The following COL4A6 variants were observed in gnomAD, a reference collection of about 807,000 sequenced individuals.
COL4A6 encodes the protein collagen type IV alpha 6 chain.
Under a neutral mutation model 126.7 loss-of-function variants are expected in COL4A6, and 59 were observed. The observed-to-expected ratio is 0.47, with a 90% CI of 0.38 to 0.58. The LOEUF is 0.58. COL4A6 is among the 20% of genes least tolerant of loss of function. COL4A6 has a pLI of 0.00. For synonymous variants in COL4A6, 547 were observed against 496.6 expected, an observed-to-expected ratio of 1.10 and a Z score of -1.35; for missense variants, 1,285 against 1,337.3, an observed-to-expected ratio of 0.96 and a Z score of 0.61.
At chrX:108,337,551 C>A (rs748179720) in intron 2 of COL4A6, among the ~76,000 whole-genome samples, 2 of 112,992 alleles carry the variant, frequency 1.8e-5, no homozygotes, top group African/African-American at 6.4e-5. Flanking sequence ...CAAGAAGCAG[C>A]AAGTGCATAT....
At chrX:108,377,232 T>G (rs2040456128) in intron 2 of COL4A6, among the ~76,000 whole-genome samples, 1 of 112,452 alleles carries the variant, frequency 8.9e-6, no homozygotes. Context: ...GCAGTATTGC[T>G]GCCAGCATGT....
intron 2 of COL4A6, among the ~76,000 whole-genome samples, chrX:108,386,564 G>GT (rs774506365): frequency 9.1e-6 from 1 of 109,680 alleles, no homozygotes; most frequent in Non-Finnish European, 1.9e-5. Flanking sequence ...GTTTTGATGG[G>GT]TTTTTTTTTC....
chrX:108,231,288 G>A (rs1339427279), intron 3 of COL4A6, among the ~76,000 whole-genome samples: 1 of 111,810 alleles, frequency 8.9e-6, no homozygotes, highest in African/African-American at 3.3e-5. Context: ...GCATCTACAC[G>A]TTTTGTTTTC....
At chrX:108,424,754 C>T (rs772699623) in intron 2 of COL4A6, among the ~76,000 whole-genome samples, 3 of 111,847 alleles carry the variant, frequency 2.7e-5, no homozygotes, top group South Asian at 7.5e-4. Flanking sequence ...GGGTGGCTCA[C>T]GCCTGTAATC....
At chrX:108,307,346 A>C (rs1009635368) in intron 3 of COL4A6, among the ~76,000 whole-genome samples, 3 of 111,925 alleles carry the variant, frequency 2.7e-5, no homozygotes, top group African/African-American at 9.7e-5. Context: ...CAGTTTCTTT[A>C]TTTGTTGCAT....
intron 3 of COL4A6, among the ~76,000 whole-genome samples, chrX:108,305,059 T>A (rs2038590611): frequency 8.9e-6 from 1 of 111,810 alleles, no homozygotes; most frequent in Non-Finnish European, 1.9e-5. Context: ...TAATTGTTCT[T>A]AAGATAGTGG....
intron 3 of COL4A6, chrX:108,269,101 C>T (rs780301168): frequency 4.1e-5 from 14 of 338,694 alleles, no homozygotes; most frequent in Non-Finnish European, 8.0e-5. Context: ...GGCAGAACCT[C>T]ACTGAAATGG....
At chrX:108,271,383 A>G (rs1269995933) in intron 3 of COL4A6, among the ~76,000 whole-genome samples, 2 of 112,461 alleles carry the variant, frequency 1.8e-5, no homozygotes, top group African/African-American at 6.5e-5. Context: ...ATTTACTTCA[A>G]AATTTGTGTC....
intron 2 of COL4A6, among the ~76,000 whole-genome samples, chrX:108,385,133 G>A (rs1455102091): frequency 7.3e-5 from 8 of 109,952 alleles, no homozygotes; most frequent in African/African-American, 2.3e-4. Flanking sequence ...TATAGTATGT[G>A]TATAGAATGG....
chrX:108,314,175 C>T (rs1003336350), intron 2 of COL4A6, among the ~76,000 whole-genome samples: 2 of 111,287 alleles, frequency 1.8e-5, no homozygotes, highest in African/African-American at 6.6e-5. Context: ...AGTAAGTGTC[C>T]CTGACTCCCT....
At chrX:108,223,426 T>C in intron 3 of COL4A6, among the ~76,000 whole-genome samples, 1 of 111,615 alleles carries the variant, frequency 9.0e-6, no homozygotes, top group Non-Finnish European at 1.9e-5. Context: ...TCAAGACTAA[T>C]GCATACAAAA....
chrX:108,383,212 T>C (rs937046028), intron 2 of COL4A6, among the ~76,000 whole-genome samples: 9 of 110,850 alleles, frequency 8.1e-5, no homozygotes, highest in African/African-American at 3.0e-4. Flanking sequence ...AATTTAAGTA[T>C]AAAGAGTCAC....
At chrX:108,370,644 T>A (rs2040303408) in intron 2 of COL4A6, among the ~76,000 whole-genome samples, 1 of 111,461 alleles carries the variant, frequency 9.0e-6, no homozygotes, top group Non-Finnish European at 1.9e-5. Context: ...AAGGAAGGAT[T>A]AGATAGACCA....
upstream of COL4A6, chrX:108,438,565 G>A: frequency 1.6e-6 from 1 of 633,444 alleles, no homozygotes; most frequent in Admixed American, 5.5e-5. Context: ...TATCTCCACA[G>A]CTTCACACAC....
chrX:108,392,338 G>GA (rs776082396), intron 2 of COL4A6, among the ~76,000 whole-genome samples: 1 of 109,365 alleles, frequency 9.1e-6, no homozygotes, highest in Admixed American at 9.8e-5. Context: ...CACACAATGG[G>GA]AAAAAATATT....
chrX:108,169,530 C>T lies in COL4A6; in HGVS notation c.3656G>A (p.Gly1219Glu). 1 of 1,211,776 alleles carries T rather than the reference C, an allele frequency of 8.3e-7. No individual in the cohort carries two copies. The highest frequency in any genetic ancestry group is 1.1e-6 in the Non-Finnish European group (1 of 895,542). The change falls in exon 37 of 45, where the codon GGG becomes GAG. Residue 1219 changes from glycine (G) to glutamate (E), a missense_variant. Transcript: ENST00000334504. Reference sequence around the variant, plus strand: ...TTTTTGCCCTCTCAGGCCCGGCTTCCCTGGAGCTCCGATGCCAATTCCTGG... The same window carrying T: ...TTTTTGCCCTCTCAGGCCCGGCTTCTCTGGAGCTCCGATGCCAATTCCTGG... ...GYPGIGIGAP[G>E]KPGLRGQKGD...
chrX:108,412,541 C>T lies in COL4A6; in HGVS notation c.63+25401G>A, dbSNP rs143995807. On this transcript the variant is annotated intron_variant, in intron 2 of 44. Transcript: ENST00000334504. Reference sequence around the variant, plus strand: ...CTGTCATCACATGCCATTTCAGGGGCCATTTTCTGTTTGTAGGAGATCTGT... The same window carrying T: ...CTGTCATCACATGCCATTTCAGGGGTCATTTTCTGTTTGTAGGAGATCTGT... Among the ~76,000 whole-genome samples the T allele has an allele frequency of 2.2e-3, 249 of 111,673 alleles. 1 individual carries two copies. Among genetic ancestry groups the T allele is most frequent in the African/African-American group, 7.8e-3 (239 of 30,778 alleles).
At chrX:108,177,439 A>G (rs1334851474) in intron 27 of COL4A6, among the ~76,000 whole-genome samples, 2 of 111,712 alleles carry the variant, frequency 1.8e-5, no homozygotes, top group Non-Finnish European at 3.8e-5. Context: ...GTTAAAGCTG[A>G]GCTGTTGTTT....
intron 3 of COL4A6, among the ~76,000 whole-genome samples, chrX:108,245,507 C>T (rs73636389): frequency 0.018 from 2,034 of 111,744 alleles, 32 homozygotes; most frequent in East Asian, 0.074. Flanking sequence ...AGCAAAAGCT[C>T]GAGATTGCTA....
Sources: allele counts gnomAD v4.1 joint callset (sites outside exome capture counted in the v4.1 genomes callset), GRCh38; gene constraint gnomAD v4.1.1; transcripts MANE v1.5; gene names NCBI Gene and HGNC (gene_info 2026-07-23, HGNC 2026-07-21).